Variants in DOCK7 observed in about 807,000 individuals in gnomAD.
DOCK7 encodes the protein dedicator of cytokinesis protein 7.
DOCK7 carries 138 observed loss-of-function variants against 271.0 expected under a neutral mutation model. The observed-to-expected ratio is 0.51, with a 90% CI of 0.44 to 0.59. The LOEUF is 0.59. DOCK7 is among the 20% of genes least tolerant of loss of function. DOCK7 has a pLI of 0.00. For synonymous variants in DOCK7, 823 were observed against 876.1 expected (o/e 0.94, Z 1.07); for missense variants, 2,066 against 2,592.4 (o/e 0.80, Z 4.41).
At position 62,504,831 on chromosome 1, in the gene DOCK7, T is replaced by C. The variant is rs757564165; in HGVS notation, c.4612-49A>G. The C allele has an allele frequency of 1.6e-5, 26 of 1,592,424 alleles. No individual in the cohort carries two copies. The African/African-American group carries it at 2.6e-4, about 16-fold the overall frequency. On this transcript the variant is annotated intron_variant, in intron 36 of 49. Coordinates refer to ENST00000635253, the MANE Select transcript of DOCK7 (RefSeq NM_001367561.1). Reference sequence around the variant, plus strand: ...CCACTGAATTTTTACAGTAAAAGTTTCTGAGATATGTTAATATAACCTGAA... The same window carrying C: ...CCACTGAATTTTTACAGTAAAAGTTCCTGAGATATGTTAATATAACCTGAA...
intron 2 of DOCK7, among the ~76,000 whole-genome samples, chr1:62,659,367 A>ATAG (rs1658402933): frequency 6.6e-6 from 1 of 152,192 alleles, no homozygotes; most frequent in African/African-American, 2.4e-5. Flanking sequence ...ATATAACACA[A>ATAG]TACCTTGTGC....
At chr1:62,679,121 T>G (rs2149767662) in intron 1 of DOCK7, among the ~76,000 whole-genome samples, 1 of 152,174 alleles carries the variant, frequency 6.6e-6, no homozygotes, top group Admixed American at 6.5e-5. Context: ...AAATTAAAAT[T>G]TCACACCATA....
intron 34 of DOCK7, among the ~76,000 whole-genome samples, chr1:62,510,218 T>A (rs993727234): frequency 6.6e-6 from 1 of 152,206 alleles, no homozygotes; most frequent in Non-Finnish European, 1.5e-5. Context: ...TTGAATTATA[T>A]TATAAGCTCC....
intron 2 of DOCK7, among the ~76,000 whole-genome samples, chr1:62,655,690 G>C (rs1657939589): frequency 6.6e-6 from 1 of 152,172 alleles, no homozygotes; most frequent in South Asian, 2.1e-4. Context: ...GCCTCCCGAA[G>C]TGCTGGGATT....
chr1:62,634,693 G>C, intron 9 of DOCK7, 80 bp downstream of exon 9: 1 of 1,375,348 alleles, frequency 7.3e-7, no homozygotes, highest in Non-Finnish European at 1.0e-6. Flanking sequence ...TCAAATCTTT[G>C]CCCTTGAAAA....
At position 62,504,660 on chromosome 1, in the gene DOCK7, T is replaced by G; in HGVS notation, c.4734A>C (p.Leu1578=). ...CAATCTCAAAGTTTTGCCTCATTAG[T>G]AGGTAAAGGGAGGCACTGGCGTGTG... The part of the protein sequence containing the change: ...IRSHASASLY[L]LMRQNFEIGN... The change falls in exon 37 of 50, where the codon CTA becomes CTC. Residue 1578 remains leucine, a synonymous_variant. Coordinates refer to ENST00000635253, the MANE Select transcript of DOCK7 (RefSeq NM_001367561.1). 6.2e-7 allele frequency: 1 copy of G among 1,612,816 alleles called. No individual in the cohort carries two copies. The highest frequency in any genetic ancestry group is 2.2e-5 in the East Asian group (1 of 44,852).
rs549971573 is a variant in DOCK7, at chr1:62,454,910, G to A, written c.*504C>T. Reference sequence around the variant, plus strand: ...AACTCATTAATTTGGGGCTATCTATGATTTTTATTCTGCTAGGTTTGGAAC... The same window carrying A: ...AACTCATTAATTTGGGGCTATCTATAATTTTTATTCTGCTAGGTTTGGAAC... On this transcript the variant is annotated 3_prime_UTR_variant, in exon 50 of 50. Transcript: ENST00000635253. The A allele has an allele frequency of 2.8e-4, 80 of 286,640 alleles. No individual in the cohort carries two copies. Among genetic ancestry groups the A allele is most frequent in the African/African-American group, 1.4e-3 (67 of 46,778 alleles). The allele number at this position is 286,640 out of a possible 1,614,324, so 17.8% of individuals were successfully genotyped here.
intron 1 of DOCK7, among the ~76,000 whole-genome samples, chr1:62,681,898 A>G (rs1661211436): frequency 6.6e-6 from 1 of 152,246 alleles, no homozygotes; most frequent in Non-Finnish European, 1.5e-5. Context: ...CTTCAAAAAG[A>G]GAAGAAAACA....
chr1:62,625,647 T>C (rs1165111246), intron 11 of DOCK7, among the ~76,000 whole-genome samples: 1 of 152,178 alleles, frequency 6.6e-6, no homozygotes, highest in Non-Finnish European at 1.5e-5. Context: ...GCATGACCAA[T>C]GATGAGCCAC....
intron 22 of DOCK7, among the ~76,000 whole-genome samples, chr1:62,551,012 T>A (rs1481750001): frequency 6.6e-6 from 1 of 152,132 alleles, no homozygotes; most frequent in Non-Finnish European, 1.5e-5. Context: ...TGAGCCACCA[T>A]ACCCAGCCTG....
At chr1:62,608,419 T>A (rs2149557011) in intron 14 of DOCK7, 1 of 152,292 alleles carries the variant, frequency 6.6e-6, no homozygotes, top group South Asian at 2.1e-4. Flanking sequence ...TCCCCACACA[T>A]TTCTGATTGG....
intron 29 of DOCK7, among the ~76,000 whole-genome samples, chr1:62,532,081 T>C (rs1645192073): frequency 6.6e-6 from 1 of 152,190 alleles, no homozygotes; most frequent in African/African-American, 2.4e-5. Flanking sequence ...CTTGCTCTGT[T>C]GTCTAGGCTG....
intron 23 of DOCK7, 24 bp downstream of exon 23, chr1:62,544,923 A>G (rs1463383153): frequency 6.6e-7 from 1 of 1,525,506 alleles, no homozygotes; most frequent in South Asian, 1.2e-5. Flanking sequence ...CAGCCAATAA[A>G]GAAACCTCTA....
intron 7 of DOCK7, among the ~76,000 whole-genome samples, 154 bp from the exon 8 acceptor site, chr1:62,636,757 T>C (rs1250011553): frequency 1.3e-5 from 2 of 152,154 alleles, no homozygotes; most frequent in African/African-American, 4.8e-5. Context: ...AATACACTCT[T>C]CTATGCATAT....
Position 62,578,974 on chromosome 1 carries a change from C to CAA in DOCK7, c.1872-10_1872-9dup, listed in dbSNP as rs199915737. 6.2e-4 allele frequency: 789 copies of CAA among 1,274,632 alleles called. No homozygotes were observed. The highest frequency in any genetic ancestry group is 1.8e-3 in the Middle Eastern group (7 of 3,870). The allele number at this position is 1,274,632 out of a possible 1,614,324, so 79.0% of individuals were successfully genotyped here. A position where few individuals can be genotyped will look rare whatever the true frequency, so the allele number is the denominator to read the frequency against. ...TCATGAAAATCAGGAGACCTTCATA[C>CAA]AAAAAAAAAAAAAAATCAACAGTCA... On this transcript the variant is annotated splice_polypyrimidine_tract_variant and intron_variant, in intron 16 of 49. Transcript: ENST00000635253.
intron 15 of DOCK7, among the ~76,000 whole-genome samples, chr1:62,585,368 C>A (rs770928789): frequency 1.3e-5 from 2 of 152,130 alleles, no homozygotes; most frequent in Admixed American, 6.5e-5. Flanking sequence ...ATTAACAATG[C>A]ACCTATTCTT....
chr1:62,596,783 G>A (rs1649317300), intron 14 of DOCK7, among the ~76,000 whole-genome samples: 1 of 152,082 alleles, frequency 6.6e-6, no homozygotes, highest in Non-Finnish European at 1.5e-5. Flanking sequence ...ATTCTAGTTT[G>A]GTCCTAGATG....
chr1:62,682,233 C>T (rs1661251275), intron 1 of DOCK7, among the ~76,000 whole-genome samples: 2 of 152,140 alleles, frequency 1.3e-5, no homozygotes, highest in South Asian at 4.1e-4. Context: ...CTGTAAGAAG[C>T]CACTTATATT....
intron 44 of DOCK7, 93 bp downstream of exon 44, chr1:62,477,592 ACTTGGCAAGATCTGG>A: frequency 8.0e-7 from 1 of 1,242,418 alleles, no homozygotes; most frequent in East Asian, 2.5e-5. Flanking sequence ...GGAGTAGTTT[ACTTGGCAAGATCTGG>A]CTTACTAAAT....
Sources: gnomAD v4.1 joint callset for allele counts (sites outside exome capture counted in the v4.1 genomes callset) on GRCh38, gnomAD v4.1.1 for gene constraint, MANE v1.5 for transcripts, NCBI Gene and HGNC (gene_info 2026-07-23, HGNC 2026-07-21) for gene names.